Variants in ZMYND11 observed in about 807,000 individuals in gnomAD.
The protein encoded by ZMYND11 is zinc finger MYND domain-containing protein 11.
In ZMYND11, 9 loss-of-function variants were observed where a neutral mutation model predicts 84.9. The observed-to-expected ratio is 0.11, with a 90% CI of 0.06 to 0.18. The LOEUF (loss-of-function observed/expected upper bound fraction) is 0.18. Among genes scored for constraint, ZMYND11 ranks in the 10% least tolerant of loss-of-function variants. The probability of loss-of-function intolerance (pLI) is 1.00; values close to 1 mark genes in which losing one functional copy is unlikely to be tolerated. For synonymous variants in ZMYND11, 250 were observed against 244.1 expected (o/e 1.02, Z -0.23); for missense variants, 409 against 761.0 (o/e 0.54, Z 5.44).
chr10:135,434 TC>T, upstream of ZMYND11: 2 of 142,484 alleles, frequency 1.4e-5, no homozygotes, highest in Non-Finnish European at 3.1e-5. The surrounding 1 kb of genome is among the most constrained non-coding windows in gnomAD (Gnocchi z 5.6). Context: ...GGCCTGAGCG[TC>T]CCCCCCGCCC....
At chr10:227,142 A>C (rs1394725791) in intron 4 of ZMYND11, among the ~76,000 whole-genome samples, 1 of 152,194 alleles carries the variant, frequency 6.6e-6, no homozygotes, top group African/African-American at 2.4e-5. Context: ...ACTAATTTCA[A>C]AATACTTTGG....
rs371996371 is a variant in ZMYND11, at chr10:248,888, G to A, written c.1501-15G>A. 4.4e-6 allele frequency: 7 copies of A among 1,597,024 alleles called. No homozygotes were observed. The South Asian group carries it at 7.9e-5, about 18-fold the overall frequency. On this transcript the variant is annotated splice_polypyrimidine_tract_variant and intron_variant, in intron 13 of 14. Transcript: ENST00000381604. ...GTTGTGTGCTGACGCACTGTGGGTTGTCTTTTCATTCCAGCTGCGTTCTGA... is the reference window on the plus strand; with the variant it reads ...GTTGTGTGCTGACGCACTGTGGGTTATCTTTTCATTCCAGCTGCGTTCTGA...
At chr10:239,411 C>T (rs752952062) in intron 6 of ZMYND11, 27 bp from the exon 7 acceptor site, 5 of 1,591,798 alleles carry the variant, frequency 3.1e-6, no homozygotes, top group South Asian at 2.3e-5. Flanking sequence ...TAACTCTTTT[C>T]GTCATTCTGT....
intron 14 of ZMYND11, chr10:249,549 AG>A (rs1766090620): frequency 1.0e-6 from 1 of 984,970 alleles, no homozygotes; most frequent in East Asian, 1.1e-4. Flanking sequence ...TTTACTTTAT[AG>A]TAGTGACATC....
At chr10:132,443 G>C (rs554770752), upstream of ZMYND11, among the ~76,000 whole-genome samples, 3 of 152,064 alleles carry the variant, frequency 2.0e-5, no homozygotes, top group Admixed American at 1.3e-4. Flanking sequence ...TTGGGGGTCT[G>C]AGGATGGGGG....
chr10:223,652 T>C (rs972802543), intron 4 of ZMYND11, among the ~76,000 whole-genome samples: 6 of 152,208 alleles, frequency 3.9e-5, no homozygotes, highest in Non-Finnish European at 7.3e-5. Context: ...GAAATAGTTA[T>C]TCATTTTAGA....
intron 11 of ZMYND11, 85 bp from the exon 12 acceptor site, chr10:247,313 C>A: frequency 7.0e-7 from 1 of 1,432,540 alleles, no homozygotes; most frequent in Non-Finnish European, 9.7e-7. Flanking sequence ...ATTCACTTCT[C>A]ACCTGTGGGT....
chr10:246,994 A>C (rs749432304), intron 11 of ZMYND11, 21 bp downstream of exon 11: 1 of 1,574,538 alleles, frequency 6.4e-7, no homozygotes, highest in Non-Finnish European at 8.6e-7. Flanking sequence ...CTCCGGAAGG[A>C]AGTGCCTATT....
At chr10:148,132 C>G (rs1295339219) in intron 1 of ZMYND11, 7 of 152,384 alleles carry the variant, frequency 4.6e-5, no homozygotes. Flanking sequence ...TTCCTCCAGG[C>G]TGGGGGTAAT....
At chr10:198,730 C>CA (rs1942384014) in intron 2 of ZMYND11, among the ~76,000 whole-genome samples, 2 of 152,188 alleles carry the variant, frequency 1.3e-5, no homozygotes, top group African/African-American at 4.8e-5. Context: ...TAGGACTTTA[C>CA]ATACAAATAG....
chr10:131,436 C>A (rs1240465710), upstream of ZMYND11, among the ~76,000 whole-genome samples: 1 of 152,200 alleles, frequency 6.6e-6, no homozygotes, highest in African/African-American at 2.4e-5. Flanking sequence ...CTGGCAAGCA[C>A]TGTCAGCTCA....
intron 1 of ZMYND11, among the ~76,000 whole-genome samples, chr10:150,216 A>G (rs1402796487): frequency 2.6e-5 from 4 of 152,186 alleles, no homozygotes; most frequent in African/African-American, 4.8e-5. Flanking sequence ...CTTCTGGTAG[A>G]ATTTGGCTGT....
In ZMYND11 at chr10:180,001, AGTAAACAG is replaced by A; in HGVS notation, c.-9_-2del. 1 of 1,597,856 alleles carries A rather than the reference AGTAAACAG, an allele frequency of 6.3e-7. No individual in the cohort carries two copies. Among genetic ancestry groups the A allele is most frequent in the Non-Finnish European group, 8.6e-7 (1 of 1,169,550 alleles). ...TTTTGTTTATTACTGCAGCTAAAGA[AGTAAACAG>A]GTCATGGCACGTTTAACAAAAAGAC... On this transcript the variant is annotated 5_prime_UTR_variant, in exon 2 of 15. The change abolishes the stop of an existing upstream ORF in the 5' untranslated region. Coordinates refer to ENST00000381604, the MANE Select transcript of ZMYND11 (RefSeq NM_001370100.5).
At chr10:242,443 G>T (rs1339066443) in intron 10 of ZMYND11, among the ~76,000 whole-genome samples, 1 of 152,052 alleles carries the variant, frequency 6.6e-6, no homozygotes, top group Non-Finnish European at 1.5e-5. Context: ...ATATGGTAAT[G>T]GAATTACCAT....
chr10:238,354 GTTTC>G (rs1564440264), intron 6 of ZMYND11, among the ~76,000 whole-genome samples: 1 of 150,488 alleles, frequency 6.6e-6, no homozygotes, highest in Non-Finnish European at 1.5e-5. Context: ...CATCTTACAA[GTTTC>G]TTTTCTTTTT....
intron 9 of ZMYND11, among the ~76,000 whole-genome samples, chr10:241,556 T>TA (rs1331298961): frequency 6.6e-6 from 1 of 152,252 alleles, no homozygotes; most frequent in Non-Finnish European, 1.5e-5. Flanking sequence ...CCTTTGTCTG[T>TA]AGCTGTATAA....
At chr10:163,160 A>G (rs1554762519) in intron 1 of ZMYND11, among the ~76,000 whole-genome samples, 2 of 152,194 alleles carry the variant, frequency 1.3e-5, no homozygotes, top group Non-Finnish European at 2.9e-5. Flanking sequence ...TACTTTTTCT[A>G]AAGAATTTAG....
chr10:243,859 C>A (rs566427872), intron 10 of ZMYND11, among the ~76,000 whole-genome samples: 1 of 152,062 alleles, frequency 6.6e-6, no homozygotes, highest in African/African-American at 2.4e-5. Flanking sequence ...AGTGAGACTC[C>A]GTCTCAAAAA....
At chr10:245,568 C>T (rs573158438) in intron 10 of ZMYND11, among the ~76,000 whole-genome samples, 31 of 152,232 alleles carry the variant, frequency 2.0e-4, no homozygotes, top group South Asian at 1.5e-3. Flanking sequence ...TGTACTCTAC[C>T]GTAGAAAATG....
Sources: allele counts gnomAD v4.1 joint callset (sites outside exome capture counted in the v4.1 genomes callset), GRCh38; gene constraint gnomAD v4.1.1; non-coding constraint Gnocchi (gnomAD v3.1); transcripts MANE v1.5; gene names NCBI Gene and HGNC (gene_info 2026-07-23, HGNC 2026-07-21).